Variants in F3 observed in about 807,000 individuals in gnomAD.
F3 encodes tissue factor.
F3 carries 18 observed loss-of-function variants against 33.5 expected under a neutral mutation model. The observed-to-expected ratio is 0.54, with a 90% CI of 0.37 to 0.80. The LOEUF is 0.80. Ranked by LOEUF, F3 falls within the 30% of genes least tolerant of loss-of-function variation. The probability of loss-of-function intolerance (pLI) is 0.00; values close to 1 mark genes in which losing one functional copy is unlikely to be tolerated. For missense variants in F3, 353 were observed against 362.1 expected (o/e 0.97, Z 0.20); for synonymous variants, 147 against 140.7 (o/e 1.05, Z -0.32).
chr1:94,532,548 T>G, intron 4 of F3, 68 bp from the exon 5 acceptor site: 1 of 1,556,022 alleles, frequency 6.4e-7, no homozygotes, highest in Non-Finnish European at 8.7e-7. Flanking sequence ...ATTAAGTCAC[T>G]GTGGAAGTAA....
At position 94,529,590 on chromosome 1, in the gene F3, C is replaced by G. The variant is rs1651351830; in HGVS notation, c.*870G>C. 6.6e-6 allele frequency: 1 copy of G among 152,406 alleles called. No homozygotes were observed. Among genetic ancestry groups the G allele is most frequent in the African/African-American group, 2.4e-5 (1 of 41,332 alleles). The allele number at this position is 152,406 out of a possible 1,614,324, so 9.4% of individuals were successfully genotyped here. On this transcript the variant is annotated 3_prime_UTR_variant, in exon 6 of 6. Transcript: ENST00000334047. ...GATTGTAAAGCATATTAGGAAGGTG[C>G]CCAGAATACCAATGTCTCCTGCACT...
At position 94,541,409 on chromosome 1, in the gene F3, G is replaced by A. The variant is rs1358923392; in HGVS notation, c.100+128C>T. ...CAAGCCGGGCTGGGTGAGCGCAGCC[G>A]AGTCCCGTAGGCGCGGGGGACAACA... On this transcript the variant is annotated intron_variant, in intron 1 of 5. Coordinates refer to ENST00000334047, the MANE Select transcript of F3 (RefSeq NM_001993.5). 4 of 708,284 alleles carry A rather than the reference G, an allele frequency of 5.6e-6. No homozygotes were observed. In the South Asian group the frequency reaches 8.7e-5, roughly 15 times the overall value. 43.9% of individuals were successfully genotyped at this position (708,284 alleles called of 1,614,324 possible).
At position 94,529,355 on chromosome 1, in the gene F3, AAATT is replaced by A. The variant is rs1168582895; in HGVS notation, c.*1101_*1104del. ...CACCTTTATTTAAAGTATATTAAATAAATTATCTCAATATATACAAATAGAACAA... is the reference window on the plus strand; with the variant it reads ...CACCTTTATTTAAAGTATATTAAATAATCTCAATATATACAAATAGAACAA... On this transcript the variant is annotated 3_prime_UTR_variant, in exon 6 of 6. Transcript: ENST00000334047. 6.6e-6 allele frequency: 1 copy of A among 152,662 alleles called. No individual in the cohort carries two copies. Among genetic ancestry groups the A allele is most frequent in the African/African-American group, 2.4e-5 (1 of 41,448 alleles). The allele number at this position is 152,662 out of a possible 1,614,324, so 9.5% of individuals were successfully genotyped here. A position where few individuals can be genotyped will look rare whatever the true frequency, so the allele number is the denominator to read the frequency against.
rs772382989 is a variant in F3 at position 94,535,910 on chromosome 1, G to A, written c.412+55C>T. ...AGCCCCTAAAGGCACAAGATCACGA[G>A]AATGTTCAGACGTTTCTAACAAGAA... is the stretch of plus-strand genomic sequence containing the variant. On this transcript the variant is annotated intron_variant, in intron 3 of 5. Transcript: ENST00000334047. 1.1e-4 allele frequency: 161 copies of A among 1,520,626 alleles called. No individual in the cohort carries two copies. The Admixed American group carries it at 1.3e-3, about 12-fold the overall frequency. The allele number at this position is 1,520,626 out of a possible 1,614,324, so 94.2% of individuals were successfully genotyped here. A position where few individuals can be genotyped will look rare whatever the true frequency, so the allele number is the denominator to read the frequency against.
intron 2 of F3, among the ~76,000 whole-genome samples, chr1:94,536,476 G>C (rs1461883092): frequency 6.6e-6 from 1 of 152,118 alleles, no homozygotes; most frequent in Non-Finnish European, 1.5e-5. Flanking sequence ...AGCAACCCAG[G>C]GGATGGCTCT....
Position 94,533,187 on chromosome 1 carries a change from A to G in F3, c.494T>C (p.Leu165Ser), listed in dbSNP as rs1200301254. The G allele has an allele frequency of 3.1e-6, 5 of 1,613,918 alleles. No individual in the cohort carries two copies. In the South Asian group the frequency reaches 3.3e-5, roughly 11 times the overall value. The change falls in exon 4 of 6, where the codon TTA becomes TCA. Residue 165 changes from leucine to serine, a missense_variant. By Grantham distance (145) the Leu-to-Ser change is moderately radical (BLOSUM62 -2). Transcript: ENST00000334047. ...TAGGAAAGTGTTGTTCCTTCTGACT[A>G]AAGTCCGTTCATCTTCTACGGTCAC... ...VNVTVEDERTLVRRNNTFLSL... is the reference protein window; with the variant it reads ...VNVTVEDERTSVRRNNTFLSL...
intron 2 of F3, among the ~76,000 whole-genome samples, chr1:94,539,198 G>A (rs2101094128): frequency 6.6e-6 from 1 of 152,240 alleles, no homozygotes; most frequent in South Asian, 2.1e-4. Context: ...GACCAGAACT[G>A]TAATCATTAT....
chr1:94,541,647 TGGC>T lies in F3; in HGVS notation c.-14_-12del, dbSNP rs1651791741. ...GGCAGGGGTCTCCATGTCTACCAGT[TGGC>T]GGCGAGATCGAGCGGGTTCCGTGGC... On this transcript the variant is annotated 5_prime_UTR_variant, in exon 1 of 6. Coordinates refer to ENST00000334047, the MANE Select transcript of F3 (RefSeq NM_001993.5). 2.2e-6 allele frequency: 3 copies of T among 1,393,362 alleles called. No homozygotes were observed. Among genetic ancestry groups the T allele is most frequent in the Non-Finnish European group, 2.8e-6 (3 of 1,066,576 alleles). 86.3% of individuals were successfully genotyped at this position (1,393,362 alleles called of 1,614,324 possible).
At chr1:94,536,186 G>A (rs767254897) in intron 2 of F3, 22 bp from the exon 3 acceptor site, 2 of 1,609,482 alleles carry the variant, frequency 1.2e-6, no homozygotes, top group Non-Finnish European at 1.7e-6. Flanking sequence ...AAAGAAGGAA[G>A]AAACATAAAT....
intron 5 of F3, among the ~76,000 whole-genome samples, chr1:94,531,581 C>T (rs964654882): frequency 8.5e-5 from 13 of 152,156 alleles, no homozygotes; most frequent in Admixed American, 1.3e-4. Flanking sequence ...GGACTACAGG[C>T]GTGAGCCACC....
At chr1:94,536,312 T>C (rs1651604818) in intron 2 of F3, 148 bp from the exon 3 acceptor site, 3 of 712,070 alleles carry the variant, frequency 4.2e-6, no homozygotes, top group South Asian at 3.6e-5. Flanking sequence ...CTGAGCACTT[T>C]GCTTTTTTTT....
At chr1:94,536,198 G>T in intron 2 of F3, 34 bp from the exon 3 acceptor site, 1 of 1,599,910 alleles carries the variant, frequency 6.3e-7, no homozygotes, top group Non-Finnish European at 8.6e-7. Context: ...AACATAAATG[G>T]AATGTTACAA....
chr1:94,540,632 A>C, intron 1 of F3: 1 of 386,672 alleles, frequency 2.6e-6, no homozygotes, highest in Non-Finnish European at 4.7e-6. Context: ...ATTCATGGGC[A>C]AAGCCTTGTT....
Position 94,541,700 on chromosome 1 carries a change from C to G in F3, c.-64G>C, listed in dbSNP as rs1651794647. 1 of 1,129,268 alleles carries G rather than the reference C, an allele frequency of 8.9e-7. No homozygotes were observed. Among genetic ancestry groups the G allele is most frequent in the Non-Finnish European group, 1.2e-6 (1 of 852,422 alleles). The allele number at this position is 1,129,268 out of a possible 1,614,324, so 70.0% of individuals were successfully genotyped here. On this transcript the variant is annotated 5_prime_UTR_variant, in exon 1 of 6. Transcript: ENST00000334047. ...CGCCCGTGGGGCTGGGGAGGTTGGG[C>G]TGAAGGCGCCCTGGGCCGGCCAGAG...
chr1:94,538,582 G>A (rs1181332451), intron 2 of F3, among the ~76,000 whole-genome samples: 1 of 152,228 alleles, frequency 6.6e-6, no homozygotes, highest in East Asian at 1.9e-4. Context: ...TCAGACTGTG[G>A]CAGAGCCACC....
Position 94,532,486 on chromosome 1 carries a change from A to G in F3, c.592-6T>C. The G allele has an allele frequency of 1.2e-6, 2 of 1,613,860 alleles. No homozygotes were observed. Among genetic ancestry groups the G allele is most frequent in the Non-Finnish European group, 1.7e-6 (2 of 1,179,886 alleles). On this transcript the variant is annotated splice_polypyrimidine_tract_variant and splice_region_variant and intron_variant, in intron 4 of 5. Transcript: ENST00000334047. ...GTGTTTGTTTTGGCTGTTTTCTGTA[A>G]AAAGATAGAGTTCTTAATTCATCTG...
At chr1:94,535,135 T>C (rs532753407) in intron 3 of F3, among the ~76,000 whole-genome samples, 10 of 152,250 alleles carry the variant, frequency 6.6e-5, no homozygotes, top group African/African-American at 2.4e-4. Flanking sequence ...TCACCATTCC[T>C]ACCTTGAGAA....
chr1:94,530,687 T>A, intron 5 of F3, 91 bp from the exon 6 acceptor site: 1 of 1,485,918 alleles, frequency 6.7e-7, no homozygotes, highest in Non-Finnish European at 9.2e-7. Flanking sequence ...AATTACACCA[T>A]CCTATTTTTG....
At chr1:94,533,480 G>C (rs1456550977) in intron 3 of F3, among the ~76,000 whole-genome samples, 1 of 152,180 alleles carries the variant, frequency 6.6e-6, no homozygotes, top group Non-Finnish European at 1.5e-5. Flanking sequence ...TGGAGCCTCA[G>C]ATGTCATTTT....
Sources: allele counts gnomAD v4.1 joint callset (sites outside exome capture counted in the v4.1 genomes callset), GRCh38; gene constraint gnomAD v4.1.1; transcripts MANE v1.5; gene names NCBI Gene and HGNC (gene_info 2026-07-23, HGNC 2026-07-21).